Variants in TTC29 observed in about 807,000 individuals in gnomAD.
TTC29 encodes tetratricopeptide repeat protein 29.
Under a neutral mutation model 58.1 loss-of-function variants are expected in TTC29, and 49 were observed. That is an observed-to-expected ratio of 0.84 (90% confidence interval 0.67 to 1.07). The LOEUF is 1.07. TTC29 is among the 50% of genes least tolerant of loss of function. TTC29 has a pLI of 0.00. For missense variants in TTC29, 582 were observed against 555.6 expected (o/e 1.05, Z -0.48); for synonymous variants, 209 against 196.8 (o/e 1.06, Z -0.52).
intron 4 of TTC29, among the ~76,000 whole-genome samples, chr4:146,918,247 CCT>C (rs958215162): frequency 4.0e-5 from 6 of 150,866 alleles, no homozygotes; most frequent in African/African-American, 1.2e-4. Context: ...AAAAAACTAA[CCT>C]AAGTTCAACC....
At chr4:146,890,756 G>C (rs540597762) in intron 6 of TTC29, among the ~76,000 whole-genome samples, 2 of 152,218 alleles carry the variant, frequency 1.3e-5, no homozygotes, top group Non-Finnish European at 2.9e-5. Context: ...TGGGAAAGCT[G>C]TCACAAGACA....
At chr4:146,744,842 G>T (rs1010561029) in intron 11 of TTC29, among the ~76,000 whole-genome samples, 4 of 152,186 alleles carry the variant, frequency 2.6e-5, no homozygotes, top group African/African-American at 9.7e-5. Flanking sequence ...CATGTTTGAT[G>T]AATGAATAGC....
chr4:146,886,406 G>A (rs1296563124), intron 6 of TTC29, among the ~76,000 whole-genome samples: 7 of 151,996 alleles, frequency 4.6e-5, no homozygotes, highest in Non-Finnish European at 1.0e-4. Context: ...TAACCTTCAC[G>A]GATTTAGTTT....
intron 8 of TTC29, among the ~76,000 whole-genome samples, chr4:146,843,522 G>T (rs1330039768): frequency 6.6e-6 from 1 of 152,074 alleles, no homozygotes; most frequent in Non-Finnish European, 1.5e-5. Context: ...TATGGTCAAG[G>T]GCGGGAAGGG....
chr4:146,888,274 G>C (rs1449419015), intron 6 of TTC29, among the ~76,000 whole-genome samples: 1 of 152,196 alleles, frequency 6.6e-6, no homozygotes, highest in Non-Finnish European at 1.5e-5. Flanking sequence ...ATGGAGCAGA[G>C]AGATTACCAA....
At chr4:146,845,801 G>A (rs1729126341) in intron 8 of TTC29, among the ~76,000 whole-genome samples, 1 of 146,688 alleles carries the variant, frequency 6.8e-6, no homozygotes, top group Non-Finnish European at 1.5e-5. Context: ...TACTCTTCCA[G>A]TACTTGTACA....
At chr4:146,859,831 T>C (rs987003862) in intron 8 of TTC29, among the ~76,000 whole-genome samples, 4 of 152,094 alleles carry the variant, frequency 2.6e-5, no homozygotes, top group African/African-American at 9.7e-5. Flanking sequence ...TTTTAAGAAA[T>C]AATGGTGCTG....
chr4:146,941,960 A>C (rs981752275), intron 2 of TTC29, among the ~76,000 whole-genome samples: 2 of 152,218 alleles, frequency 1.3e-5, no homozygotes, highest in African/African-American at 4.8e-5. Context: ...CTAAGACACA[A>C]TATTCCTCTA....
intron 4 of TTC29, among the ~76,000 whole-genome samples, chr4:146,915,645 C>T (rs1424326364): frequency 2.6e-5 from 4 of 151,922 alleles, no homozygotes; most frequent in African/African-American, 9.7e-5. Context: ...TTTCTCTGCA[C>T]CTAAACTAAT....
At chr4:146,820,305 A>G in intron 9 of TTC29, 57 bp from the exon 10 acceptor site, 1 of 1,561,710 alleles carries the variant, frequency 6.4e-7, no homozygotes, top group Non-Finnish European at 8.7e-7. Context: ...TGTCACAGTA[A>G]AGAGGAAGTA....
chr4:146,899,389 T>C (rs1561233682), intron 6 of TTC29, among the ~76,000 whole-genome samples: 1 of 152,224 alleles, frequency 6.6e-6, no homozygotes, highest in Non-Finnish European at 1.5e-5. Flanking sequence ...GAATGCTGCT[T>C]GTCCGTTTGT....
At chr4:146,820,976 G>T (rs1044491616) in intron 9 of TTC29, among the ~76,000 whole-genome samples, 1 of 151,722 alleles carries the variant, frequency 6.6e-6, no homozygotes, top group Non-Finnish European at 1.5e-5. Context: ...AGCTTGCAGT[G>T]AGCTGAGATC....
chr4:146,707,132 G>A lies in TTC29; in HGVS notation c.*26C>T. The A allele has an allele frequency of 6.6e-7, 1 of 1,510,976 alleles. No individual in the cohort carries two copies. The highest frequency in any genetic ancestry group is 8.9e-7 in the Non-Finnish European group (1 of 1,123,144). The allele number at this position is 1,510,976 out of a possible 1,614,324, so 93.6% of individuals were successfully genotyped here. On this transcript the variant is annotated 3_prime_UTR_variant, in exon 13 of 13. Coordinates refer to ENST00000325106, the MANE Select transcript of TTC29 (RefSeq NM_031956.4). ...AAGGTGACATGATGGATTTCTTCTT[G>A]CTTTGATGTTAAGTGAAAAGCTGCT...
intron 8 of TTC29, among the ~76,000 whole-genome samples, chr4:146,863,716 G>T (rs575489988): frequency 2.6e-5 from 4 of 152,152 alleles, no homozygotes; most frequent in Non-Finnish European, 5.9e-5. Context: ...TGCATGCCCA[G>T]GAGAGCTGGT....
chr4:146,733,243 G>A (rs757693031), intron 11 of TTC29, among the ~76,000 whole-genome samples: 3 of 152,148 alleles, frequency 2.0e-5, no homozygotes, highest in Non-Finnish European at 4.4e-5. Context: ...CACAGGCAGA[G>A]GGTGTAAAGT....
At chr4:146,917,617 A>ACATTATATATTATTTATAGAATATC (rs1250048875) in intron 4 of TTC29, among the ~76,000 whole-genome samples, 1 of 143,148 alleles carries the variant, frequency 7.0e-6, no homozygotes, top group African/African-American at 2.5e-5. Context: ...TTTATAATAT[A>ACATTATATATTATTTATAGAATATC]TAATTAGATA....
intron 6 of TTC29, among the ~76,000 whole-genome samples, chr4:146,881,878 GT>G (rs1277123764): frequency 1.3e-5 from 2 of 152,014 alleles, no homozygotes; most frequent in Admixed American, 1.3e-4. Flanking sequence ...AGAAGAAAAT[GT>G]GCCCATAACT....
At chr4:146,852,290 G>A (rs1729565440) in intron 8 of TTC29, among the ~76,000 whole-genome samples, 1 of 152,186 alleles carries the variant, frequency 6.6e-6, no homozygotes, top group Admixed American at 6.6e-5. Flanking sequence ...TGGAACAGAT[G>A]AGAATGTTAT....
chr4:146,923,181 T>C (rs1203209086), intron 4 of TTC29, among the ~76,000 whole-genome samples: 1 of 151,892 alleles, frequency 6.6e-6, no homozygotes, highest in African/African-American at 2.4e-5. Context: ...GGTCCTTGCA[T>C]TATCTGAAAA....
Sources: gnomAD v4.1 joint callset for allele counts (sites outside exome capture counted in the v4.1 genomes callset) on GRCh38, gnomAD v4.1.1 for gene constraint, MANE v1.5 for transcripts, NCBI Gene and HGNC (gene_info 2026-07-23, HGNC 2026-07-21) for gene names.